SPPL3: variants seen among roughly 807,000 people sequenced by gnomAD.
SPPL3 encodes signal peptide peptidase-like 3.
A neutral mutation model predicts 42.4 loss-of-function variants in SPPL3; 5 were observed. The observed-to-expected ratio is 0.12, with a 90% CI of 0.06 to 0.25. The LOEUF (loss-of-function observed/expected upper bound fraction) is 0.25. SPPL3 is among the 10% of genes least tolerant of loss of function. The pLI, the probability that SPPL3 is intolerant of heterozygous loss-of-function variation, is 1.00. For synonymous variants in SPPL3, 195 were observed against 181.8 expected (o/e 1.07, Z -0.58); for missense variants, 235 against 489.0 (o/e 0.48, Z 4.90).
intron 1 of SPPL3, among the ~76,000 whole-genome samples, chr12:120,858,206 T>C (rs912359745): frequency 6.6e-6 from 1 of 152,138 alleles, no homozygotes; most frequent in Non-Finnish European, 1.5e-5. Flanking sequence ...GGCTGGGCAC[T>C]GTGGCTCACG....
intron 6 of SPPL3, among the ~76,000 whole-genome samples, chr12:120,774,580 T>C (rs1469030753): frequency 2.0e-5 from 3 of 152,094 alleles, no homozygotes; most frequent in Admixed American, 6.6e-5. Context: ...GTTCCGTGTA[T>C]GAAGAGGCAG....
chr12:120,892,043 G>A (rs1387844732), intron 1 of SPPL3, among the ~76,000 whole-genome samples: 1 of 152,140 alleles, frequency 6.6e-6, no homozygotes, highest in Admixed American at 6.5e-5. Context: ...CAACTTAACA[G>A]TAACCATTTT....
rs552420198 is a variant in SPPL3, at chr12:120,817,065, G to C, written c.24-6179C>G. ...GACACTCTAGGAGTCCGAGGTGGGA[G>C]GATTACTTGAGCCCAGGAGTTCAAG... On this transcript the variant is annotated intron_variant, in intron 1 of 10. Coordinates refer to ENST00000353487, the MANE Select transcript of SPPL3 (RefSeq NM_139015.5). Among the ~76,000 whole-genome samples, 22 of 151,874 alleles carry C rather than the reference G, an allele frequency of 1.4e-4. No homozygotes were observed. In the East Asian group the frequency reaches 4.3e-3, roughly 30 times the overall value.
intron 1 of SPPL3, among the ~76,000 whole-genome samples, chr12:120,827,298 G>C (rs376733364): frequency 1.3e-5 from 2 of 148,668 alleles, no homozygotes; most frequent in East Asian, 3.9e-4. Context: ...ATGAGACCAA[G>C]AAATATAACT....
chr12:120,762,971 T>C lies in SPPL3; in HGVS notation c.*2028A>G, dbSNP rs544024979. ...GTCTCTGGGCCTGCTTAATTAGCTA[T>C]ATGCATCCTCGAGGGCTGAGAAGGA... On this transcript the variant is annotated 3_prime_UTR_variant, in exon 11 of 11. Transcript: ENST00000353487. 3 of 152,342 alleles carry C rather than the reference T, an allele frequency of 2.0e-5. 1 individual carries two copies. The South Asian group carries it at 6.2e-4, about 32-fold the overall frequency. 9.4% of individuals were successfully genotyped at this position (152,342 alleles called of 1,614,324 possible). A position where few individuals can be genotyped will look rare whatever the true frequency, so the allele number is the denominator to read the frequency against.
chr12:120,859,517 T>C (rs939190234), intron 1 of SPPL3, among the ~76,000 whole-genome samples: 1 of 152,252 alleles, frequency 6.6e-6, no homozygotes, highest in Non-Finnish European at 1.5e-5. Context: ...TTTTGTTTTT[T>C]CAAACAGTAC....
intron 1 of SPPL3, among the ~76,000 whole-genome samples, chr12:120,833,485 G>A (rs1024385907): frequency 1.3e-5 from 2 of 152,094 alleles, no homozygotes; most frequent in African/African-American, 4.8e-5. Context: ...AGGAGCAAGA[G>A]ACATGTAGGA....
intron 1 of SPPL3, among the ~76,000 whole-genome samples, chr12:120,817,861 CAAAG>C (rs1228371598): frequency 1.3e-5 from 2 of 152,094 alleles, no homozygotes; most frequent in Non-Finnish European, 2.9e-5. Flanking sequence ...TTTGCCCACA[CAAAG>C]AAAGCAAGCG....
At chr12:120,854,941 C>T (rs778300118) in intron 1 of SPPL3, among the ~76,000 whole-genome samples, 7 of 152,158 alleles carry the variant, frequency 4.6e-5, no homozygotes, top group African/African-American at 7.2e-5. Flanking sequence ...CCAAAGAACA[C>T]GCCAGGATTT....
chr12:120,878,885 G>A (rs942489717), intron 1 of SPPL3, among the ~76,000 whole-genome samples: 3 of 151,896 alleles, frequency 2.0e-5, no homozygotes, highest in Non-Finnish European at 4.4e-5. Flanking sequence ...AGGCTGAGGC[G>A]GGTGGATCAC....
At chr12:120,783,558 T>C (rs1321944482) in intron 5 of SPPL3, 116 bp downstream of exon 5, 4 of 930,154 alleles carry the variant, frequency 4.3e-6, no homozygotes, top group Non-Finnish European at 6.4e-6. Flanking sequence ...TCCTGGTCTT[T>C]TGGCATTTCT....
intron 1 of SPPL3, among the ~76,000 whole-genome samples, chr12:120,814,462 CTATCATG>C (rs1566049464): frequency 1.3e-5 from 2 of 152,160 alleles, no homozygotes; most frequent in Non-Finnish European, 2.9e-5. Flanking sequence ...GATATCTGAG[CTATCATG>C]TATCATGTAT....
chr12:120,861,661 T>C (rs1310245148), intron 1 of SPPL3, among the ~76,000 whole-genome samples: 1 of 152,214 alleles, frequency 6.6e-6, no homozygotes, highest in African/African-American at 2.4e-5. Context: ...GGGAGTACGC[T>C]GACTGATATT....
intron 4 of SPPL3, 55 bp from the exon 5 acceptor site, chr12:120,783,807 C>G: frequency 6.7e-7 from 1 of 1,482,034 alleles, no homozygotes; most frequent in Non-Finnish European, 9.3e-7. Flanking sequence ...AATGGCATGA[C>G]TTATAGAAAC....
At chr12:120,846,024 G>C (rs1286566854) in intron 1 of SPPL3, among the ~76,000 whole-genome samples, 3 of 152,102 alleles carry the variant, frequency 2.0e-5, no homozygotes, top group Admixed American at 2.0e-4. Flanking sequence ...TAGCCCCCAA[G>C]TAGCTGGGAC....
intron 10 of SPPL3, among the ~76,000 whole-genome samples, chr12:120,765,683 C>G (rs1868862954): frequency 6.6e-6 from 1 of 151,382 alleles, no homozygotes; most frequent in African/African-American, 2.4e-5. Context: ...GGAGGACTCC[C>G]TAGAAGGGGT....
At chr12:120,883,879 A>G (rs1593010641) in intron 1 of SPPL3, among the ~76,000 whole-genome samples, 1 of 152,326 alleles carries the variant, frequency 6.6e-6, no homozygotes, top group Admixed American at 6.5e-5. Flanking sequence ...AGGTGGGTGG[A>G]TCACCTGAGG....
intron 1 of SPPL3, among the ~76,000 whole-genome samples, chr12:120,902,491 G>A (rs1593019589): frequency 6.6e-6 from 1 of 152,262 alleles, no homozygotes; most frequent in Non-Finnish European, 1.5e-5. Flanking sequence ...TTCACAGTTT[G>A]CCAAGTGCTT....
chr12:120,830,607 A>AGAGAGAGAGAGAGAGAGAGAGAGAG (rs1555251066), intron 1 of SPPL3, among the ~76,000 whole-genome samples: 7 of 39,968 alleles, frequency 1.8e-4, no homozygotes, highest in Admixed American at 3.3e-4. Context: ...GAGAGAGAGA[A>AGAGAGAGAGAGAGAGAGAGAGAGAG]GGTGTACATG....
Sources: gnomAD v4.1 joint callset for allele counts (sites outside exome capture counted in the v4.1 genomes callset) on GRCh38, gnomAD v4.1.1 for gene constraint, MANE v1.5 for transcripts, NCBI Gene and HGNC (gene_info 2026-07-23, HGNC 2026-07-21) for gene names.